GALNT13: variants seen among roughly 807,000 people sequenced by gnomAD.
The protein encoded by GALNT13 is UDP-GalNAc:polypeptide N-acetylgalactosaminyltransferase 13.
A neutral mutation model predicts 64.2 loss-of-function variants in GALNT13; 28 were observed. The observed-to-expected ratio is 0.44, with a 90% confidence interval of 0.32 to 0.60. The LOEUF (loss-of-function observed/expected upper bound fraction) is 0.60, where lower values mean the gene tolerates loss of function less well. GALNT13 is among the 20% of genes least tolerant of loss of function. The pLI, the probability that GALNT13 is intolerant of heterozygous loss-of-function variation, is 0.05. For missense variants in GALNT13, 577 were observed against 669.8 expected, an observed-to-expected ratio of 0.86 and a Z score of 1.53; for synonymous variants, 214 against 224.6, an observed-to-expected ratio of 0.95 and a Z score of 0.42.
At chr2:153,729,651 AGAG>A in the GALNT13 span, among the ~76,000 whole-genome samples, 1 of 152,074 alleles carries the variant, frequency 6.6e-6, no homozygotes, top group African/African-American at 2.4e-5. Flanking sequence ...GAGCAATTAA[AGAG>A]GAGAAAATGT....
chr2:154,292,440 T>C (rs1692697882), intron 8 of GALNT13, among the ~76,000 whole-genome samples: 1 of 152,222 alleles, frequency 6.6e-6, no homozygotes, highest in Non-Finnish European at 1.5e-5. Flanking sequence ...TCAATTCCAA[T>C]TCATTGCCAA....
chr2:153,317,488 G>A, the GALNT13 span, among the ~76,000 whole-genome samples: 12 of 152,038 alleles, frequency 7.9e-5, no homozygotes, highest in East Asian at 5.8e-4. Context: ...TAATGTTGAG[G>A]TGGTTTCTGA....
chr2:154,067,831 C>G (rs192458030), intron 3 of GALNT13, among the ~76,000 whole-genome samples: 2 of 152,030 alleles, frequency 1.3e-5, no homozygotes, highest in Admixed American at 1.3e-4. Context: ...AGTAATATAC[C>G]ACAAGTACAT....
the GALNT13 span, among the ~76,000 whole-genome samples, chr2:153,473,185 A>G: frequency 6.6e-6 from 1 of 152,104 alleles, no homozygotes. Context: ...TTAAAAGTAT[A>G]ATAACAAAAA....
the GALNT13 span, among the ~76,000 whole-genome samples, chr2:153,850,070 T>G: frequency 2.1e-5 from 3 of 145,172 alleles, no homozygotes; most frequent in African/African-American, 7.7e-5. Flanking sequence ...TCCCAGCTAC[T>G]CCGGAGGCTG....
At chr2:153,990,953 T>C (rs1328171312) in intron 3 of GALNT13, among the ~76,000 whole-genome samples, 5 of 152,188 alleles carry the variant, frequency 3.3e-5, no homozygotes, top group African/African-American at 4.8e-5. Context: ...AGCTAGCAAA[T>C]TGACTTTCAT....
At chr2:153,281,162 C>A in the GALNT13 span, among the ~76,000 whole-genome samples, 1 of 152,058 alleles carries the variant, frequency 6.6e-6, no homozygotes, top group Non-Finnish European at 1.5e-5. Flanking sequence ...TCTGTTGTAT[C>A]TGATATAAGA....
chr2:153,485,640 C>A, the GALNT13 span, among the ~76,000 whole-genome samples: 1 of 152,152 alleles, frequency 6.6e-6, no homozygotes, highest in South Asian at 2.1e-4. Flanking sequence ...CACTGACTGA[C>A]TCCTCTAATC....
intron 3 of GALNT13, among the ~76,000 whole-genome samples, chr2:154,009,212 T>C (rs1055689002): frequency 1.3e-5 from 2 of 149,988 alleles, no homozygotes; most frequent in African/African-American, 4.9e-5. Flanking sequence ...TGGTTATAGG[T>C]GTGCAGCTTT....
chr2:153,305,423 A>T, the GALNT13 span, among the ~76,000 whole-genome samples: 1 of 152,112 alleles, frequency 6.6e-6, no homozygotes, highest in Non-Finnish European at 1.5e-5. Flanking sequence ...GTGCTATTGG[A>T]GGTGGTTTCA....
the GALNT13 span, among the ~76,000 whole-genome samples, chr2:153,663,653 G>A: frequency 1.3e-5 from 2 of 152,110 alleles, no homozygotes; most frequent in African/African-American, 4.8e-5. Context: ...CCAAACTGGG[G>A]GACATCATTG....
At chr2:153,217,469 TGG>T in the GALNT13 span, among the ~76,000 whole-genome samples, 1 of 152,148 alleles carries the variant, frequency 6.6e-6, no homozygotes. Flanking sequence ...GCATGTTAGA[TGG>T]TTTGATAGTG....
chr2:153,898,922 C>T (rs1208236936), intron 1 of GALNT13, among the ~76,000 whole-genome samples: 1 of 149,738 alleles, frequency 6.7e-6, no homozygotes, highest in Non-Finnish European at 1.5e-5. Context: ...GTGGAAAACA[C>T]TCCAGTATTT....
chr2:153,723,710 T>G, the GALNT13 span, among the ~76,000 whole-genome samples: 1 of 151,834 alleles, frequency 6.6e-6, no homozygotes, highest in Non-Finnish European at 1.5e-5. Flanking sequence ...CACAATTGCT[T>G]CAAAGGGAAT....
chr2:153,585,690 C>T, the GALNT13 span, among the ~76,000 whole-genome samples: 12 of 152,058 alleles, frequency 7.9e-5, no homozygotes, highest in East Asian at 1.9e-4. Context: ...GGAAACTGCT[C>T]GGTCATCTAT....
the GALNT13 span, among the ~76,000 whole-genome samples, chr2:153,666,884 A>G: frequency 1.3e-5 from 2 of 152,216 alleles, no homozygotes; most frequent in African/African-American, 4.8e-5. Flanking sequence ...AAGATTCAGG[A>G]GAAAGTTGAA....
intron 2 of GALNT13, among the ~76,000 whole-genome samples, chr2:153,906,367 G>A (rs887698326): frequency 8.7e-5 from 13 of 149,586 alleles, no homozygotes; most frequent in African/African-American, 3.2e-4. Context: ...TTAGCATTAG[G>A]TATATCTCCT....
the GALNT13 span, among the ~76,000 whole-genome samples, chr2:153,224,662 A>G: frequency 6.6e-6 from 1 of 151,994 alleles, no homozygotes; most frequent in African/African-American, 2.4e-5. Flanking sequence ...AACTGATGAA[A>G]GAGTTATCAC....
At chr2:154,450,309 T>C (rs1701821237) in intron 12 of GALNT13, 102 bp from the exon 13 acceptor site, 1 of 1,024,932 alleles carries the variant, frequency 9.8e-7, no homozygotes, top group Non-Finnish European at 1.4e-6. Context: ...TGTATTATAC[T>C]ATAAAAATCA....
Sources: allele counts gnomAD v4.1 joint callset (sites outside exome capture counted in the v4.1 genomes callset), GRCh38; gene constraint gnomAD v4.1.1; transcripts MANE v1.5; gene names NCBI Gene and HGNC (gene_info 2026-07-23, HGNC 2026-07-21).